Variants in KCP observed in about 807,000 individuals in gnomAD.
KCP encodes the protein kielin/chordin-like protein.
Under a neutral mutation model 212.7 loss-of-function variants are expected in KCP, and 194 were observed. The ratio of observed to expected loss-of-function variants is 0.91; its 90% CI spans 0.81 to 1.03. The LOEUF is 1.03. Among genes scored for constraint, KCP ranks in the 50% least tolerant of loss-of-function variants. The pLI, the probability that KCP is intolerant of heterozygous loss-of-function variation, is 0.00. For synonymous variants in KCP, 833 were observed against 865.3 expected, an observed-to-expected ratio of 0.96 and a Z score of 0.65; for missense variants, 2,080 against 2,162.5, an observed-to-expected ratio of 0.96 and a Z score of 0.76.
Position 128,877,138 on chromosome 7 carries a change from T to A in KCP, c.4792A>T (p.Ile1598Phe). ...ACTTGGGGGCAGGCCTCGGGTGGGA[T>A]GCAGTGGGCCTCATGCTCCACCAGG... ...AGLVEHEAHC[I>F]PPEACPQVLL... The change falls in exon 40 of 40, where the codon ATC becomes TTC. Residue 1598 changes from isoleucine (I) to phenylalanine (F), a missense_variant. Transcript: ENST00000610776. 6.6e-7 allele frequency: 1 copy of A among 1,508,158 alleles called. No homozygotes were observed. The allele number at this position is 1,508,158 out of a possible 1,614,324, so 93.4% of individuals were successfully genotyped here. A position where few individuals can be genotyped will look rare whatever the true frequency, so the allele number is the denominator to read the frequency against.
Position 128,891,767 on chromosome 7 carries a change from G to T in KCP, c.1674C>A (p.Pro558=). 1 of 1,451,026 alleles carries T rather than the reference G, an allele frequency of 6.9e-7. No individual in the cohort carries two copies. Among genetic ancestry groups the T allele is most frequent in the South Asian group, 1.5e-5 (1 of 67,864 alleles). 89.9% of individuals were successfully genotyped at this position (1,451,026 alleles called of 1,614,324 possible). A position where few individuals can be genotyped will look rare whatever the true frequency, so the allele number is the denominator to read the frequency against. ...VFVDGESFSH[P]RDPCQECRCQ... ...ATCGGCACTCCTGGCAGGGGTCTCGGGGGTGGGAGAAGCTCTCGCCGTCCA... is the reference window on the plus strand; with the variant it reads ...ATCGGCACTCCTGGCAGGGGTCTCGTGGGTGGGAGAAGCTCTCGCCGTCCA... Residue 558 remains proline, a synonymous_variant, in exon 17 of 40, where the codon CCC becomes CCA. Transcript: ENST00000610776.
intron 16 of KCP, among the ~76,000 whole-genome samples, chr7:128,892,119 G>C (rs937986075): frequency 3.3e-5 from 5 of 152,096 alleles, no homozygotes; most frequent in Non-Finnish European, 7.4e-5. Context: ...CTCTATGCGG[G>C]CAGGGACGTG....
rs1414393253 is a variant in KCP at position 128,891,505 on chromosome 7, G to A, written c.1824C>T (p.Pro608=). The change falls in exon 18 of 40, where the codon CCC becomes CCT. Residue 608 remains proline, a synonymous_variant. Coordinates refer to ENST00000610776, the MANE Select transcript of KCP (RefSeq NM_001366122.1). The stretch of plus-strand genomic sequence containing the variant: ...AGGGGTGGGGGAAGTCCGCTCCGCT[G>A]GGGTACTCTTTCCCGCCAAAGGCAC... ...SGCAFGGKEY[P]SGADFPHPSD... is the part of the protein sequence containing the mutation. 5.8e-6 allele frequency: 9 copies of A among 1,549,782 alleles called. No homozygotes were observed. In the Admixed American group the frequency reaches 5.9e-5, roughly 10 times the overall value.
chr7:128,878,824 C>CTG, intron 37 of KCP, 102 bp from the exon 38 acceptor site: 1 of 1,206,896 alleles, frequency 8.3e-7, no homozygotes, highest in South Asian at 1.6e-5. Flanking sequence ...GCGGCCAGTG[C>CTG]TGTAGGGGAG....
chr7:128,892,516 G>A lies in KCP; in HGVS notation c.1619C>T (p.Pro540Leu). Reference sequence around the variant, plus strand: ...AGGCCCAGTGAGTGCCCACATACCTGGGCACCTGGGGCAACACTGGCCTGG... The same window carrying A: ...AGGCCCAGTGAGTGCCCACATACCTAGGCACCTGGGGCAACACTGGCCTGG... ...SGPGQCCPRCPDCILEEEVFV... is the reference protein window; with the variant it reads ...SGPGQCCPRCLDCILEEEVFV... The change falls in exon 16 of 40, where the codon CCA becomes CTA. Residue 540 changes from proline to leucine, a missense_variant and splice_region_variant. Physicochemically the swap from Pro to Leu is moderately conservative, Grantham distance 98. Coordinates refer to ENST00000610776, the MANE Select transcript of KCP (RefSeq NM_001366122.1). 1 of 1,523,652 alleles carries A rather than the reference G, an allele frequency of 6.6e-7. No individual in the cohort carries two copies. Among genetic ancestry groups the A allele is most frequent in the South Asian group, 1.3e-5 (1 of 79,166 alleles). 94.4% of individuals were successfully genotyped at this position (1,523,652 alleles called of 1,614,324 possible).
intron 8 of KCP, among the ~76,000 whole-genome samples, chr7:128,895,927 C>T (rs1794492698): frequency 6.6e-6 from 1 of 152,150 alleles, no homozygotes; most frequent in Non-Finnish European, 1.5e-5. Flanking sequence ...ATGGAGTAGC[C>T]ATTCTTTTAC....
intron 1 of KCP, among the ~76,000 whole-genome samples, chr7:128,909,430 G>T (rs1462363516): frequency 1.3e-5 from 2 of 152,172 alleles, no homozygotes; most frequent in Non-Finnish European, 2.9e-5. Flanking sequence ...GTCACCCACT[G>T]TCACCATCAA....
intron 7 of KCP, 147 bp from the exon 8 acceptor site, chr7:128,903,006 CCCAGTGGCT>C (rs1384785526): frequency 3.1e-6 from 2 of 643,934 alleles, no homozygotes; most frequent in Non-Finnish European, 2.7e-6. Context: ...GCCTAGATTC[CCCAGTGGCT>C]CCCAGTGCCC....
intron 6 of KCP, 102 bp from the exon 7 acceptor site, chr7:128,903,922 A>C: frequency 7.3e-7 from 1 of 1,362,950 alleles, no homozygotes; most frequent in Non-Finnish European, 1.0e-6. Flanking sequence ...CAGGGCAGGG[A>C]TGGAGGGAGA....
At chr7:128,880,554 C>G in intron 33 of KCP, 26 bp from the exon 34 acceptor site, 4 of 1,394,378 alleles carry the variant, frequency 2.9e-6, no homozygotes, top group Non-Finnish European at 3.8e-6. Flanking sequence ...CTGGGAGGGT[C>G]AGCTGCTCCT....
intron 1 of KCP, among the ~76,000 whole-genome samples, chr7:128,910,223 C>T (rs1212841669): frequency 6.6e-6 from 1 of 152,228 alleles, no homozygotes; most frequent in African/African-American, 2.4e-5. Flanking sequence ...GGCACCGAGC[C>T]CTCCATTCCC....
chr7:128,907,262 AC>A lies in KCP; in HGVS notation c.409+1del, dbSNP rs1348567677. 4.6e-6 allele frequency: 7 copies of A among 1,533,198 alleles called. No homozygotes were observed. The highest frequency in any genetic ancestry group is 1.4e-5 in the African/African-American group (1 of 72,658). The allele number at this position is 1,533,198 out of a possible 1,614,324, so 95.0% of individuals were successfully genotyped here. ...CCAGTGGGCGGATAGGGTGGCACTTACCCCTGCAATGGGGCAGGTGTGCTTG... is the reference window on the plus strand; with the variant it reads ...CCAGTGGGCGGATAGGGTGGCACTTACCCTGCAATGGGGCAGGTGTGCTTG... On this transcript the variant is annotated splice_donor_variant, in intron 3 of 39. Coordinates refer to ENST00000610776, the MANE Select transcript of KCP (RefSeq NM_001366122.1). LOFTEE classifies it high-confidence loss of function.
intron 8 of KCP, among the ~76,000 whole-genome samples, chr7:128,897,543 A>C (rs1178260228): frequency 6.6e-6 from 1 of 152,252 alleles, no homozygotes; most frequent in African/African-American, 2.4e-5. Flanking sequence ...CAGAAAAGTA[A>C]AAAGTCTAAT....
intron 5 of KCP, 139 bp downstream of exon 5, chr7:128,906,140 T>C (rs534186712): frequency 1.4e-6 from 1 of 706,258 alleles, no homozygotes; most frequent in South Asian, 1.7e-5. Context: ...TGTGCATGGG[T>C]TCTGCACTCC....
rs534956461 is a variant in KCP at position 128,905,483 on chromosome 7, A to G, written c.571+796T>C. 4.6e-5 allele frequency among the ~76,000 whole-genome samples: 7 copies of G among 152,094 alleles called. No individual in the cohort carries two copies. In the East Asian group the frequency reaches 1.4e-3, roughly 29 times the overall value. ...TCCCAAGCTCGGCCTCCACTATTCC[A>G]GGGGACCCAGCCAGTCACCGGCTCC... On this transcript the variant is annotated intron_variant, in intron 5 of 39. Transcript: ENST00000610776.
At chr7:128,901,692 G>A (rs150844790) in intron 8 of KCP, among the ~76,000 whole-genome samples, 13 of 151,936 alleles carry the variant, frequency 8.6e-5, no homozygotes, top group African/African-American at 2.9e-4. Flanking sequence ...TCTTTCTTGC[G>A]CGAGATCCAA....
Position 128,891,804 on chromosome 7 carries a change from T to C in KCP, c.1637A>G (p.Glu546Gly). The C allele has an allele frequency of 6.9e-7, 1 of 1,442,870 alleles. No individual in the cohort carries two copies. Among genetic ancestry groups the C allele is most frequent in the Non-Finnish European group, 9.1e-7 (1 of 1,095,700 alleles). The allele number at this position is 1,442,870 out of a possible 1,614,324, so 89.4% of individuals were successfully genotyped here. ...GCTCTCGCCGTCCACAAACACCTCT[T>C]CCTCCAGGATGCAGTCTGGGCAGTG... ...CPRCPDCILEEEVFVDGESFS... is the reference protein window; with the variant it reads ...CPRCPDCILEGEVFVDGESFS... Residue 546 changes from glutamate to glycine, a missense_variant, in exon 17 of 40, where the codon GAA becomes GGA. Transcript: ENST00000610776.
At chr7:128,893,746 C>T (rs901163398) in intron 11 of KCP, 60 bp downstream of exon 11, 41 of 1,506,298 alleles carry the variant, frequency 2.7e-5, no homozygotes, top group Non-Finnish European at 3.5e-5. Context: ...ATCCCCCACA[C>T]CTACAGCCTC....
At chr7:128,903,605 C>T (rs964024988) in intron 7 of KCP, 122 bp downstream of exon 7, 13 of 729,438 alleles carry the variant, frequency 1.8e-5, no homozygotes, top group Non-Finnish European at 2.7e-5. Context: ...AATTTGAGCT[C>T]AGGCATTCCA....
Sources: gnomAD v4.1 joint callset for allele counts (sites outside exome capture counted in the v4.1 genomes callset) on GRCh38, gnomAD v4.1.1 for gene constraint, MANE v1.5 for transcripts, NCBI Gene and HGNC (gene_info 2026-07-23, HGNC 2026-07-21) for gene names.